CADPS2: variants seen among roughly 807,000 people sequenced by gnomAD.
CADPS2 encodes the protein calcium dependent secretion activator 2.
A neutral mutation model predicts 172.5 loss-of-function variants in CADPS2; 93 were observed. That is an observed-to-expected ratio of 0.54 (90% CI 0.46 to 0.64). CADPS2 has a LOEUF of 0.64. Ranked by LOEUF, CADPS2 falls within the 30% of genes least tolerant of loss-of-function variation. The pLI, the probability that CADPS2 is intolerant of heterozygous loss-of-function variation, is 0.00. For missense variants in CADPS2, 1,420 were observed against 1,565.9 expected, an observed-to-expected ratio of 0.91 and a Z score of 1.57; for synonymous variants, 546 against 555.2, an observed-to-expected ratio of 0.98 and a Z score of 0.23.
At chr7:122,771,750 G>A (rs927339885) in intron 1 of CADPS2, among the ~76,000 whole-genome samples, 12 of 152,142 alleles carry the variant, frequency 7.9e-5, no homozygotes, top group Non-Finnish European at 1.8e-4. Context: ...TAGGCTGTGA[G>A]GACTCCATAT....
intron 8 of CADPS2, among the ~76,000 whole-genome samples, chr7:122,551,570 A>C (rs1271778922): frequency 6.6e-6 from 1 of 152,122 alleles, no homozygotes; most frequent in Non-Finnish European, 1.5e-5. Context: ...ATTAAAACAG[A>C]GAATAGGTTT....
intron 7 of CADPS2, among the ~76,000 whole-genome samples, chr7:122,567,098 A>G (rs2066570081): frequency 6.7e-6 from 1 of 148,784 alleles, no homozygotes. Flanking sequence ...TCCAAATTCT[A>G]CTAACCAATA....
At chr7:122,823,951 A>G (rs979258118) in intron 1 of CADPS2, among the ~76,000 whole-genome samples, 1 of 152,008 alleles carries the variant, frequency 6.6e-6, no homozygotes, top group African/African-American at 2.4e-5. Context: ...CTCAGTAGAG[A>G]GCTCCATTTC....
At chr7:122,336,501 G>T (rs2150882425) in intron 28 of CADPS2, among the ~76,000 whole-genome samples, 1 of 152,292 alleles carries the variant, frequency 6.6e-6, no homozygotes, top group East Asian at 1.9e-4. Context: ...AAAGTCACAG[G>T]CTCTACATAT....
intron 7 of CADPS2, among the ~76,000 whole-genome samples, chr7:122,573,593 A>G (rs1235025128): frequency 2.6e-5 from 4 of 152,146 alleles, no homozygotes; most frequent in Admixed American, 1.3e-4. Context: ...AACTGTCAGA[A>G]AGAATGTTTT....
Position 122,320,338 on chromosome 7 carries a change from T to C in CADPS2, c.3718A>G (p.Lys1240Glu). 1 of 1,592,192 alleles carries C rather than the reference T, an allele frequency of 6.3e-7. No individual in the cohort carries two copies. The highest frequency in any genetic ancestry group is 1.4e-5 in the African/African-American group (1 of 74,010). ...QLKTLIKIVK[K>E]TYRDFRLQGV... ...TGCAATCGAAAGTCCCTGTAGGTTT[T>C]CTGAAGAAAGAAGATAAAATTTGCT... Residue 1240 changes from lysine (K) to glutamate (E), a missense_variant and splice_region_variant, in exon 30 of 30, where the codon AAA (lysine) becomes GAA (glutamate). Transcript: ENST00000449022.
At chr7:122,352,034 T>C (rs558537085) in intron 27 of CADPS2, among the ~76,000 whole-genome samples, 2 of 152,300 alleles carry the variant, frequency 1.3e-5, no homozygotes, top group African/African-American at 2.4e-5. Context: ...TAATTTTCAA[T>C]TGAGATCTAT....
intron 14 of CADPS2, among the ~76,000 whole-genome samples, chr7:122,470,058 T>C (rs140164727): frequency 0.014 from 2,095 of 152,278 alleles, 41 homozygotes; most frequent in East Asian, 0.086. Context: ...TGGAAGAGGA[T>C]GGTAATGGGA....
rs761323223 is a variant in CADPS2, at chr7:122,706,829, T to TAC, written c.453+30124_453+30125dup. 6.1e-3 allele frequency among the ~76,000 whole-genome samples: 904 copies of TAC among 149,088 alleles called. 11 individuals are homozygous for TAC. Among genetic ancestry groups the TAC allele is most frequent in the African/African-American group, 0.02 (817 of 40,780 alleles). On this transcript the variant is annotated intron_variant, in intron 2 of 29. Coordinates refer to ENST00000449022, the MANE Select transcript of CADPS2 (RefSeq NM_017954.11). ...ACACACACATATATATATATGTATGTACACACACACACACATTTTTTTTTT... is the reference window on the plus strand; with the variant it reads ...ACACACACATATATATATATGTATGTACACACACACACACACATTTTTTTTTT...
At chr7:122,810,246 G>A (rs973038559) in intron 1 of CADPS2, among the ~76,000 whole-genome samples, 4 of 152,130 alleles carry the variant, frequency 2.6e-5, no homozygotes, top group African/African-American at 9.7e-5. Context: ...TCCCTAGTAA[G>A]TGGGAAGGTA....
At chr7:122,495,439 G>A (rs1051290762) in intron 9 of CADPS2, among the ~76,000 whole-genome samples, 3 of 152,118 alleles carry the variant, frequency 2.0e-5, no homozygotes, top group Admixed American at 6.6e-5. Context: ...AACTTCATAT[G>A]AATATATCAT....
intron 6 of CADPS2, among the ~76,000 whole-genome samples, chr7:122,585,194 G>A (rs1372608722): frequency 6.6e-6 from 1 of 151,846 alleles, no homozygotes; most frequent in African/African-American, 2.4e-5. Context: ...CAATTTTAAG[G>A]GGGTGCATAA....
rs769418153 is a variant in CADPS2 at position 122,320,223 on chromosome 7, T to C, written c.3833A>G (p.Glu1278Gly). The C allele has an allele frequency of 3.7e-6, 6 of 1,612,988 alleles. No homozygotes were observed. The highest frequency in any genetic ancestry group is 1.1e-5 in the South Asian group (1 of 90,898). Reference protein sequence around the residue: ...TVEEATASVSEGGGLQGITMK... With the variant: ...TVEEATASVSGGGGLQGITMK... ...AGTAATGCCCTGAAGTCCTCCTCCT[T>C]CTGAAACAGAGGCTGTGGCCTCCTC... The change falls in exon 30 of 30, where the codon GAA (glutamate) becomes GGA (glycine). Residue 1278 changes from glutamate to glycine, a missense_variant. By Grantham distance (98) the Glu-to-Gly change is moderately conservative (BLOSUM62 -2). Transcript: ENST00000449022.
At chr7:122,421,691 G>A (rs1279575556) in intron 17 of CADPS2, among the ~76,000 whole-genome samples, 1 of 152,076 alleles carries the variant, frequency 6.6e-6, no homozygotes, top group Non-Finnish European at 1.5e-5. Context: ...GTAGAATATG[G>A]CAACCTATAA....
In CADPS2 at chr7:122,659,540, C is replaced by A. The variant is rs944474280; in HGVS notation, c.786+3697G>T. ...GGGTGACATAAACATATCTAGAATACCAGAAAAAGAATAAAGAGGGGATAG... is the reference window on the plus strand; with the variant it reads ...GGGTGACATAAACATATCTAGAATAACAGAAAAAGAATAAAGAGGGGATAG... On this transcript the variant is annotated intron_variant, in intron 3 of 29. Transcript: ENST00000449022. 1.1e-4 allele frequency among the ~76,000 whole-genome samples: 16 copies of A among 151,786 alleles called. 1 individual carries two copies. Among genetic ancestry groups the A allele is most frequent in the African/African-American group, 3.9e-4 (16 of 41,364 alleles).
chr7:122,490,545 T>A (rs2058188994), intron 10 of CADPS2, among the ~76,000 whole-genome samples: 1 of 152,064 alleles, frequency 6.6e-6, no homozygotes, highest in Non-Finnish European at 1.5e-5. Flanking sequence ...ACAAGACATA[T>A]AAACACACTC....
intron 9 of CADPS2, among the ~76,000 whole-genome samples, chr7:122,507,023 A>G (rs2059659759): frequency 6.6e-6 from 1 of 152,188 alleles, no homozygotes; most frequent in African/African-American, 2.4e-5. Flanking sequence ...AAGAAAGATA[A>G]GATCCTTCTT....
At chr7:122,391,880 G>GAT (rs984889076) in intron 22 of CADPS2, among the ~76,000 whole-genome samples, 3 of 152,070 alleles carry the variant, frequency 2.0e-5, no homozygotes, top group African/African-American at 7.2e-5. Context: ...TGATAGGAGT[G>GAT]AGGAATTTGT....
Position 122,438,199 on chromosome 7 carries a change from C to G in CADPS2, c.2476+142G>C, listed in dbSNP as rs2050894260. On this transcript the variant is annotated intron_variant, in intron 17 of 29. Transcript: ENST00000449022. Reference sequence around the variant, plus strand: ...ATGAATAGGAAAAAGCTCTTCAGTTCACCAGCTGAGATTTTAATGAGACAT... The same window carrying G: ...ATGAATAGGAAAAAGCTCTTCAGTTGACCAGCTGAGATTTTAATGAGACAT... The G allele has an allele frequency of 3.9e-6, 4 of 1,025,716 alleles. No individual in the cohort carries two copies. In the South Asian group the frequency reaches 6.5e-5, roughly 17 times the overall value. 63.5% of individuals were successfully genotyped at this position (1,025,716 alleles called of 1,614,324 possible).
Sources: allele counts gnomAD v4.1 joint callset (sites outside exome capture counted in the v4.1 genomes callset), GRCh38; gene constraint gnomAD v4.1.1; transcripts MANE v1.5; gene names NCBI Gene and HGNC (gene_info 2026-07-23, HGNC 2026-07-21).